Variants in TUSC3 observed in about 807,000 individuals in gnomAD.
TUSC3 encodes dolichyl-diphosphooligosaccharide--protein glycosyltransferase subunit TUSC3.
Under a neutral mutation model 44.8 loss-of-function variants are expected in TUSC3, and 45 were observed. The observed-to-expected ratio is 1.00, with a 90% CI of 0.79 to 1.29. The LOEUF (loss-of-function observed/expected upper bound fraction) is 1.29, where lower values mean the gene tolerates loss of function less well. TUSC3 is among the 50% of genes most tolerant of loss of function. The pLI is 0.00. For synonymous variants in TUSC3, 212 were observed against 152.9 expected, an observed-to-expected ratio of 1.39 and a Z score of -2.85; for missense variants, 519 against 437.9, an observed-to-expected ratio of 1.19 and a Z score of -1.65.
chr8:15,793,432 C>A, the TUSC3 span, among the ~76,000 whole-genome samples: 2 of 152,124 alleles, frequency 1.3e-5, no homozygotes, highest in African/African-American at 4.8e-5. Flanking sequence ...CTTCTTATTT[C>A]TTCTGCTCTG....
intron 1 of TUSC3, among the ~76,000 whole-genome samples, 193 bp from the exon 2 acceptor site, chr8:15,622,887 C>G (rs1191563726): frequency 1.3e-5 from 2 of 151,990 alleles, no homozygotes; most frequent in Non-Finnish European, 2.9e-5. Flanking sequence ...TATATAAGGC[C>G]AAGAGAAAAC....
intron 2 of TUSC3, among the ~76,000 whole-genome samples, chr8:15,646,842 A>C (rs1806654664): frequency 6.6e-6 from 1 of 152,258 alleles, no homozygotes; most frequent in East Asian, 1.9e-4. Flanking sequence ...TTTATACAGT[A>C]AACTTATCTT....
chr8:15,687,418 C>T (rs140116941), intron 6 of TUSC3, among the ~76,000 whole-genome samples: 7 of 152,248 alleles, frequency 4.6e-5, no homozygotes, highest in East Asian at 1.9e-4. Context: ...TGTGACACTG[C>T]ATCTGATGTC....
chr8:15,506,901 G>A (rs1314108909), intron 2 of TUSC3, among the ~76,000 whole-genome samples: 1 of 152,154 alleles, frequency 6.6e-6, no homozygotes, highest in African/African-American at 2.4e-5. Context: ...AGACAGACAG[G>A]CCTTGCTGCA....
the TUSC3 span, among the ~76,000 whole-genome samples, chr8:15,851,578 G>A: frequency 5.3e-5 from 8 of 152,198 alleles, no homozygotes; most frequent in Admixed American, 1.3e-4. Context: ...CATGGGACAC[G>A]TGAGCGTCAT....
At chr8:15,729,404 G>T (rs1460398796) in intron 6 of TUSC3, among the ~76,000 whole-genome samples, 1 of 152,026 alleles carries the variant, frequency 6.6e-6, no homozygotes, top group Non-Finnish European at 1.5e-5. Context: ...AACAAGTTAG[G>T]TAAATTTTTC....
chr8:15,561,993 A>C (rs935260798), intron 1 of TUSC3, among the ~76,000 whole-genome samples: 1 of 152,196 alleles, frequency 6.6e-6, no homozygotes, highest in African/African-American at 2.4e-5. Context: ...AGCTGTAGAC[A>C]GGAGCTGTTC....
chr8:15,813,565 G>A, the TUSC3 span, among the ~76,000 whole-genome samples: 1 of 151,960 alleles, frequency 6.6e-6, no homozygotes, highest in Non-Finnish European at 1.5e-5. Flanking sequence ...AAATTTTAAG[G>A]CACATTTTAT....
the TUSC3 span, among the ~76,000 whole-genome samples, chr8:15,837,216 G>A: frequency 1.5e-4 from 14 of 96,052 alleles, no homozygotes; most frequent in African/African-American, 4.0e-4. Flanking sequence ...AAGGGATTAT[G>A]TCTTTTTTTT....
At chr8:15,848,531 C>T in the TUSC3 span, among the ~76,000 whole-genome samples, 1 of 152,146 alleles carries the variant, frequency 6.6e-6, no homozygotes, top group Non-Finnish European at 1.5e-5. Context: ...AGGCAGCTTT[C>T]TTGAGCTGGG....
At chr8:15,755,627 A>G (rs532606466) in intron 9 of TUSC3, among the ~76,000 whole-genome samples, 105 of 152,188 alleles carry the variant, frequency 6.9e-4, no homozygotes, top group East Asian at 1.4e-3. Context: ...TAATTCACAA[A>G]AATGCAAAAT....
the TUSC3 span, among the ~76,000 whole-genome samples, chr8:15,841,715 T>C: frequency 1.3e-5 from 2 of 152,338 alleles, no homozygotes; most frequent in African/African-American, 4.8e-5. Context: ...GGTTTTGCCA[T>C]GTTGGCAAGG....
In TUSC3 at chr8:15,447,751, C is replaced by G. The variant is rs553756857; in HGVS notation, n.91+30446C>G. On this transcript the variant is annotated intron_variant and non_coding_transcript_variant, in intron 1 of 5. Coordinates refer to the TUSC3 transcript ENST00000503191. ...TATTTAGGGAAGGTTACCGCCACCT[C>G]TCTGTAGGAAATCAAGTGTACATGA... 1.4e-3 allele frequency among the ~76,000 whole-genome samples: 210 copies of G among 150,752 alleles called. 1 individual carries two copies. Among genetic ancestry groups the G allele is most frequent in the South Asian group, 7.6e-3 (36 of 4,748 alleles).
At chr8:15,633,931 A>G (rs1429091) in intron 2 of TUSC3, among the ~76,000 whole-genome samples, 117,017 of 152,084 alleles carry the variant, frequency 0.77, 46,042 homozygotes, top group Non-Finnish European at 0.86. Context: ...CATAAACAAA[A>G]CATCCCACAA....
chr8:15,528,090 A>G (rs1245614350), intron 2 of TUSC3, among the ~76,000 whole-genome samples: 3 of 152,188 alleles, frequency 2.0e-5, no homozygotes, highest in Admixed American at 6.5e-5. Flanking sequence ...AACCAGCTGG[A>G]TTTGTTGTAA....
intron 2 of TUSC3, among the ~76,000 whole-genome samples, chr8:15,640,357 T>G (rs1806309375): frequency 6.6e-6 from 1 of 152,154 alleles, no homozygotes; most frequent in Non-Finnish European, 1.5e-5. Flanking sequence ...CCTCTGCTGA[T>G]TTTGCTTTGT....
chr8:15,562,329 C>A (rs897540161), intron 1 of TUSC3, among the ~76,000 whole-genome samples: 1 of 151,938 alleles, frequency 6.6e-6, no homozygotes, highest in African/African-American at 2.4e-5. Flanking sequence ...CTAATAAAAC[C>A]GCTTCGCAAT....
At chr8:15,483,651 T>A (rs1461011374) in intron 2 of TUSC3, among the ~76,000 whole-genome samples, 6 of 67,284 alleles carry the variant, frequency 8.9e-5, no homozygotes, top group African/African-American at 6.6e-4. Flanking sequence ...GCACTGTGAT[T>A]TTTTTTTTTT....
At chr8:15,664,745 G>A (rs185809425) in intron 5 of TUSC3, among the ~76,000 whole-genome samples, 1,653 of 149,108 alleles carry the variant, frequency 0.011, 21 homozygotes, top group Middle Eastern at 0.025. Context: ...ATGTTTGATG[G>A]CCTTTGGCAA....
Sources: allele counts gnomAD v4.1 joint callset (sites outside exome capture counted in the v4.1 genomes callset), GRCh38; gene constraint gnomAD v4.1.1; transcripts MANE v1.5; gene names NCBI Gene and HGNC (gene_info 2026-07-23, HGNC 2026-07-21).